The following NDUFC1 variants were observed in gnomAD, a reference collection of about 807,000 sequenced individuals.
NDUFC1 encodes NADH:ubiquinone oxidoreductase subunit C1, also known as NADH dehydrogenase [ubiquinone] 1 subunit C1, mitochondrial.
In NDUFC1, 11 loss-of-function variants were observed where a neutral mutation model predicts 11.6. That is an observed-to-expected ratio of 0.95 (90% CI 0.60 to 1.58). The LOEUF is 1.58. NDUFC1 is among the 40% of genes most tolerant of loss of function. The pLI, the probability that NDUFC1 is intolerant of heterozygous loss-of-function variation, is 0.00. For synonymous variants in NDUFC1, 52 were observed against 42.2 expected (o/e 1.23, Z -0.90); for missense variants, 112 against 93.0 (o/e 1.20, Z -0.84).
intron 1 of NDUFC1, among the ~76,000 whole-genome samples, chr4:139,299,267 C>CT (rs573787290): frequency 0.021 from 2,962 of 140,586 alleles, 43 homozygotes; most frequent in African/African-American, 0.04. Context: ...CAAGCCCAGC[C>CT]TTTTTTTTTT....
intron 5 of NDUFC1, 36 bp downstream of exon 5, chr4:139,292,494 G>A: frequency 1.9e-6 from 2 of 1,029,886 alleles, no homozygotes; most frequent in Non-Finnish European, 2.9e-6. Flanking sequence ...AAGTTAATTT[G>A]CATAATCTAT....
intron 1 of NDUFC1, among the ~76,000 whole-genome samples, chr4:139,298,976 G>GT (rs954814980): frequency 5.8e-4 from 85 of 146,600 alleles, no homozygotes; most frequent in Non-Finnish European, 7.3e-4. Flanking sequence ...CCTGGCCTAT[G>GT]TTTTTTTTTT....
chr4:139,294,660 G>A (rs1441202289), intron 4 of NDUFC1, among the ~76,000 whole-genome samples: 3 of 151,008 alleles, frequency 2.0e-5, no homozygotes, highest in African/African-American at 4.9e-5. Flanking sequence ...GCGTGAACCC[G>A]CGAGGCAGAG....
At chr4:139,293,293 A>G (rs1019794221) in intron 4 of NDUFC1, among the ~76,000 whole-genome samples, 1 of 152,172 alleles carries the variant, frequency 6.6e-6, no homozygotes, top group Non-Finnish European at 1.5e-5. Context: ...TAGAAGTAGG[A>G]TACCTTGATT....
chr4:139,301,730 G>A (rs1180051908), intron 1 of NDUFC1: 4 of 1,536,536 alleles, frequency 2.6e-6, no homozygotes, highest in Non-Finnish European at 3.5e-6. Context: ...CGGACAAACT[G>A]ACTGACCGAG....
At chr4:139,301,346 G>A in intron 1 of NDUFC1, 1 of 406,012 alleles carries the variant, frequency 2.5e-6, no homozygotes, top group Admixed American at 4.3e-5. Flanking sequence ...TGAAATGATG[G>A]GCGGGGCCTG....
intron 3 of NDUFC1, 29 bp downstream of exon 3, chr4:139,295,703 G>C (rs747221996): frequency 5.4e-5 from 83 of 1,531,058 alleles, no homozygotes; most frequent in Non-Finnish European, 6.4e-5. Flanking sequence ...TCTGAGGGTC[G>C]AGTCGGCCTG....
In NDUFC1 at chr4:139,292,340, T is replaced by TCCC. The variant is rs933211360; in HGVS notation, c.*20+187_*20+189dup. ...CAAACAACAAACAAAAAAAACCCCATCCCCCCCAAAACAAAACCAACTGCT... is the reference window on the plus strand; with the variant it reads ...CAAACAACAAACAAAAAAAACCCCATCCCCCCCCCCAAAACAAAACCAACTGCT... On this transcript the variant is annotated intron_variant, in intron 5 of 5. Coordinates refer to ENST00000394223, the MANE Select transcript of NDUFC1 (RefSeq NM_001184989.2). Among the ~76,000 whole-genome samples the TCCC allele has an allele frequency of 3.6e-3, 542 of 148,880 alleles. 9 individuals carry two copies. Among genetic ancestry groups the TCCC allele is most frequent in the African/African-American group, 9.6e-3 (390 of 40,428 alleles).
At chr4:139,297,267 A>G (rs994759113) in intron 2 of NDUFC1, 118 bp downstream of exon 2, 1 of 152,236 alleles carries the variant, frequency 6.6e-6, no homozygotes, top group Non-Finnish European at 1.5e-5. Context: ...GCAAATTACT[A>G]ATTTCAGTAC....
intron 1 of NDUFC1, among the ~76,000 whole-genome samples, chr4:139,299,903 A>G (rs761930499): frequency 6.6e-6 from 1 of 152,220 alleles, no homozygotes; most frequent in Non-Finnish European, 1.5e-5. Flanking sequence ...AGAAATTTAG[A>G]GAACTATAGC....
intron 5 of NDUFC1, among the ~76,000 whole-genome samples, chr4:139,290,876 A>G (rs7698642): frequency 9.9e-5 from 15 of 151,710 alleles, no homozygotes; most frequent in African/African-American, 3.6e-4. Flanking sequence ...TATTGGCTCA[A>G]TGCAACCTCC....
chr4:139,295,015 T>C (rs746055005), intron 4 of NDUFC1, 28 bp downstream of exon 4: 1 of 1,560,624 alleles, frequency 6.4e-7, no homozygotes, highest in East Asian at 2.2e-5. Flanking sequence ...TGGTGTAGTC[T>C]CACGACATCC....
At chr4:139,292,448 C>G in intron 5 of NDUFC1, 82 bp downstream of exon 5, 1 of 575,830 alleles carries the variant, frequency 1.7e-6, no homozygotes, top group Non-Finnish European at 2.8e-6. Flanking sequence ...ACAAAACAAA[C>G]AACAAGCTTG....
chr4:139,291,607 T>G (rs1745221807), intron 5 of NDUFC1, among the ~76,000 whole-genome samples: 3 of 152,184 alleles, frequency 2.0e-5, no homozygotes, highest in African/African-American at 7.2e-5. Flanking sequence ...CGTTATACAT[T>G]CATCACTTCT....
At chr4:139,295,562 C>G (rs1218804082) in intron 3 of NDUFC1, among the ~76,000 whole-genome samples, 170 bp downstream of exon 3, 3 of 152,214 alleles carry the variant, frequency 2.0e-5, no homozygotes, top group African/African-American at 7.2e-5. Context: ...TGATGGGGAG[C>G]AGAGAGCCCT....
At chr4:139,291,235 T>C (rs534769866) in intron 5 of NDUFC1, among the ~76,000 whole-genome samples, 1 of 152,166 alleles carries the variant, frequency 6.6e-6, no homozygotes, top group East Asian at 1.9e-4. Flanking sequence ...TGGGTATTAG[T>C]TGAGTTGACA....
chr4:139,293,973 G>A (rs1041277333), intron 4 of NDUFC1, among the ~76,000 whole-genome samples: 20 of 114,606 alleles, frequency 1.7e-4, no homozygotes, highest in Non-Finnish European at 2.6e-4. Flanking sequence ...ACAGAGTCTC[G>A]CTGTATCTCC....
At chr4:139,290,205 G>C (rs1745153479) in intron 5 of NDUFC1, 113 bp from the exon 6 acceptor site, 1 of 151,436 alleles carries the variant, frequency 6.6e-6, no homozygotes, top group Non-Finnish European at 1.5e-5. Flanking sequence ...GACCCACAAA[G>C]AGTACCAATA....
At chr4:139,291,293 C>T (rs568341355) in intron 5 of NDUFC1, among the ~76,000 whole-genome samples, 1 of 151,814 alleles carries the variant, frequency 6.6e-6, no homozygotes, top group South Asian at 2.1e-4. Flanking sequence ...ATTGATTGCT[C>T]TGGCCAGGCG....
Sources: allele counts gnomAD v4.1 joint callset (sites outside exome capture counted in the v4.1 genomes callset), GRCh38; gene constraint gnomAD v4.1.1; transcripts MANE v1.5; gene names NCBI Gene and HGNC (gene_info 2026-07-23, HGNC 2026-07-21).